The following ZNF155 variants were observed in gnomAD, a reference collection of about 807,000 sequenced individuals.
The protein encoded by ZNF155 is KRAB A domain.
In ZNF155, 15 loss-of-function variants were observed where a neutral mutation model predicts 11.9. The ratio of observed to expected loss-of-function variants is 1.26; its 90% CI spans 0.84 to 1.94. The LOEUF (loss-of-function observed/expected upper bound fraction) is 1.94. Among genes scored for constraint, ZNF155 ranks in the 30% most tolerant of loss-of-function variants. The probability of loss-of-function intolerance (pLI) is 0.00; values close to 1 mark genes in which losing one functional copy is unlikely to be tolerated. For synonymous variants in ZNF155, 212 were observed against 219.9 expected, an observed-to-expected ratio of 0.96 and a Z score of 0.32; for missense variants, 602 against 639.1, an observed-to-expected ratio of 0.94 and a Z score of 0.63.
chr19:43,997,527 A>T lies in ZNF155; in HGVS notation c.*53A>T. On this transcript the variant is annotated 3_prime_UTR_variant, in exon 5 of 5. Transcript: ENST00000270014. The stretch of plus-strand genomic sequence containing the variant: ...CTATTTTAATGTGTGCATACAATTT[A>T]TAGTGATCCAATCAGTGTAATTGGT... 7.3e-7 allele frequency: 1 copy of T among 1,375,548 alleles called. No homozygotes were observed. Among genetic ancestry groups the T allele is most frequent in the Non-Finnish European group, 9.8e-7 (1 of 1,016,022 alleles). The allele number at this position is 1,375,548 out of a possible 1,614,324, so 85.2% of individuals were successfully genotyped here.
intron 4 of ZNF155, among the ~76,000 whole-genome samples, chr19:43,995,723 GTTGA>G (rs1260286515): frequency 6.6e-6 from 1 of 152,046 alleles, no homozygotes; most frequent in Non-Finnish European, 1.5e-5. Context: ...TATACAAAGT[GTTGA>G]TTAAGTTATT....
At chr19:43,988,609 A>G in intron 2 of ZNF155, 51 bp downstream of exon 2, 1 of 1,570,056 alleles carries the variant, frequency 6.4e-7, no homozygotes, top group Non-Finnish European at 8.7e-7. Flanking sequence ...CACTACTCAT[A>G]TTTTCATGTG....
intron 1 of ZNF155, among the ~76,000 whole-genome samples, chr19:43,986,169 AG>A (rs1317833479): frequency 6.6e-6 from 1 of 152,222 alleles, no homozygotes; most frequent in Non-Finnish European, 1.5e-5. Context: ...TTAGATTAAT[AG>A]GAGGAGAAAA....
At chr19:43,995,023 C>G (rs377348183) in intron 4 of ZNF155, among the ~76,000 whole-genome samples, 80 of 152,286 alleles carry the variant, frequency 5.3e-4, no homozygotes, top group African/African-American at 1.9e-3. Flanking sequence ...CCAAGACACT[C>G]TCCTGAGGTA....
Position 43,986,513 on chromosome 19 carries a change from G to A in ZNF155, c.-85-1946G>A, listed in dbSNP as rs976480306. Among the ~76,000 whole-genome samples the A allele has an allele frequency of 4.1e-5, 6 of 147,634 alleles. No individual in the cohort carries two copies. The East Asian group carries it at 1.0e-3, about 25-fold the overall frequency. On this transcript the variant is annotated intron_variant, in intron 1 of 4. Transcript: ENST00000270014. ...CACCTAGGCTGGAGTGCAGTGGTGC[G>A]ATCTCGGCTCACTGTGAGCTCCGCC...
chr19:43,996,800 C>T lies in ZNF155; in HGVS notation c.943C>T (p.Pro315Ser), dbSNP rs201204983. ...TTCCATGGTTCACACAGGAGAAAAACCATTTAGGTGTGATACATGTGATAA... is the reference window on the plus strand; with the variant it reads ...TTCCATGGTTCACACAGGAGAAAAATCATTTAGGTGTGATACATGTGATAA... ...SHSMVHTGEK[P>S]FRCDTCDKSF... Residue 315 changes from proline to serine, a missense_variant, in exon 5 of 5, where the codon CCA (proline) becomes TCA (serine). Physicochemically the swap from Pro to Ser is moderately conservative, Grantham distance 74 (BLOSUM62 -1). Coordinates refer to ENST00000270014, the MANE Select transcript of ZNF155 (RefSeq NM_198089.3). 218 of 1,614,014 alleles carry T rather than the reference C, an allele frequency of 1.4e-4. No individual in the cohort carries two copies. Among genetic ancestry groups the T allele is most frequent in the Non-Finnish European group, 1.8e-4 (209 of 1,180,026 alleles).
intron 2 of ZNF155, chr19:43,990,127 G>A: frequency 6.8e-7 from 1 of 1,465,256 alleles, no homozygotes. Context: ...GTAAAAAACT[G>A]GGAAGAAAGC....
Position 43,993,207 on chromosome 19 carries a change from A to G in ZNF155, c.235+1273A>G, listed in dbSNP as rs143943556. Reference sequence around the variant, plus strand: ...TATTTCTGGTCCTCTTTCTTCATAAATGTGTCTATTTCTGCATCTTTATGT... The same window carrying G: ...TATTTCTGGTCCTCTTTCTTCATAAGTGTGTCTATTTCTGCATCTTTATGT... On this transcript the variant is annotated intron_variant, in intron 4 of 4. Coordinates refer to ENST00000270014, the MANE Select transcript of ZNF155 (RefSeq NM_198089.3). Among the ~76,000 whole-genome samples, 471 of 152,298 alleles carry G rather than the reference A, an allele frequency of 3.1e-3. 5 individuals are homozygous for G. The highest frequency in any genetic ancestry group is 0.011 in the African/African-American group (444 of 41,554).
chr19:43,991,610 C>G lies in ZNF155; in HGVS notation c.78C>G (p.Asp26Glu). The G allele has an allele frequency of 6.2e-7, 1 of 1,614,078 alleles. No homozygotes were observed. The highest frequency in any genetic ancestry group is 2.2e-5 in the East Asian group (1 of 44,884). ...CTGAGGAGGAGCTGGGGCTGCTGGA[C>G]CCTGCCCAGAGGAAGCTGTACCGAG... ...VFTEEELGLL[D>E]PAQRKLYRDV... Residue 26 changes from aspartate to glutamate, a missense_variant, in exon 3 of 5, where the codon GAC becomes GAG. Physicochemically the swap from Asp to Glu is conservative, Grantham distance 45. Coordinates refer to ENST00000270014, the MANE Select transcript of ZNF155 (RefSeq NM_198089.3).
Position 43,996,162 on chromosome 19 carries a change from A to C in ZNF155, c.305A>C (p.Gln102Pro). The C allele has an allele frequency of 6.2e-7, 1 of 1,614,114 alleles. No individual in the cohort carries two copies. The highest frequency in any genetic ancestry group is 8.5e-7 in the Non-Finnish European group (1 of 1,179,956). The change falls in exon 5 of 5, where the codon CAA becomes CCA. Residue 102 changes from glutamine (Q) to proline (P), a missense_variant. Transcript: ENST00000270014. ...GCACATGAAGAGTGGTCCTGCCAGCAAATCTGGGAACAAATTGCAAAAGAC... is the reference window on the plus strand; with the variant it reads ...GCACATGAAGAGTGGTCCTGCCAGCCAATCTGGGAACAAATTGCAAAAGAC... ...AGAHEEWSCQ[Q>P]IWEQIAKDLT...
chr19:43,995,909 C>T (rs1275695190), intron 4 of ZNF155, among the ~76,000 whole-genome samples, 184 bp from the exon 5 acceptor site: 1 of 152,158 alleles, frequency 6.6e-6, no homozygotes, highest in Non-Finnish European at 1.5e-5. Flanking sequence ...AAGGATTTCA[C>T]ATGTGAGACA....
At chr19:43,986,124 A>G (rs1028771382) in intron 1 of ZNF155, among the ~76,000 whole-genome samples, 2 of 152,188 alleles carry the variant, frequency 1.3e-5, no homozygotes, top group Admixed American at 6.5e-5. Context: ...AGGATTTTGT[A>G]TTGTGGAACC....
Position 43,997,181 on chromosome 19 carries a change from A to T in ZNF155, c.1324A>T (p.Asn442Tyr). The T allele has an allele frequency of 1.2e-6, 2 of 1,614,190 alleles. No individual in the cohort carries two copies. Among genetic ancestry groups the T allele is most frequent in the Non-Finnish European group, 8.5e-7 (1 of 1,180,022 alleles). ...TGGGAAGGGCTATGTTACTAAGTTTAATCTTGACTTGCACCAGAGGGTCCA... is the reference window on the plus strand; with the variant it reads ...TGGGAAGGGCTATGTTACTAAGTTTTATCTTGACTTGCACCAGAGGGTCCA... Reference protein sequence around the residue: ...ECGKGYVTKFNLDLHQRVHTG... With the variant: ...ECGKGYVTKFYLDLHQRVHTG... The change falls in exon 5 of 5, where the codon AAT becomes TAT. Residue 442 changes from asparagine to tyrosine, a missense_variant. Physicochemically the swap from Asn to Tyr is moderately radical, Grantham distance 143. Coordinates refer to ENST00000270014, the MANE Select transcript of ZNF155 (RefSeq NM_198089.3).
chr19:43,987,687 A>G (rs1051921161), intron 1 of ZNF155, among the ~76,000 whole-genome samples: 1 of 152,224 alleles, frequency 6.6e-6, no homozygotes, highest in South Asian at 2.1e-4. Flanking sequence ...CTGGGGAGAT[A>G]CATTATTAAT....
intron 1 of ZNF155, among the ~76,000 whole-genome samples, chr19:43,986,811 T>A (rs1380972284): frequency 6.6e-6 from 1 of 152,196 alleles, no homozygotes; most frequent in East Asian, 1.9e-4. Flanking sequence ...TTTATATCAT[T>A]TCAAAGCTGT....
At position 43,996,147 on chromosome 19, in the gene ZNF155, AGT is replaced by A. The variant is rs1418360351; in HGVS notation, c.292_293del (p.Trp98ValfsTer23). ...GTTCCAGAAGCAGGAGCACATGAAG[AGT>A]GGTCCTGCCAGCAAATCTGGGAACA... On this transcript the variant is annotated frameshift_variant, in exon 5 of 5. Transcript: ENST00000270014. LOFTEE classifies it low-confidence loss of function (END_TRUNC). 1 of 1,613,780 alleles carries A rather than the reference AGT, an allele frequency of 6.2e-7. No individual in the cohort carries two copies. The highest frequency in any genetic ancestry group is 2.2e-5 in the East Asian group (1 of 44,882).
At position 43,996,194 on chromosome 19, in the gene ZNF155, AGG is replaced by A. The variant is rs1484798388; in HGVS notation, c.338_339del (p.Arg113IlefsTer8). 5.0e-6 allele frequency: 8 copies of A among 1,614,082 alleles called. No homozygotes were observed. In the African/African-American group the frequency reaches 9.3e-5, roughly 19 times the overall value. ...IWEQIAKDLT[R>X]SQDSIINNSQ... is the part of the protein sequence containing the mutation. ...GGAACAAATTGCAAAAGACTTAACCAGGTCTCAGGACTCTATCATAAATAACT... is the reference window on the plus strand; with the variant it reads ...GGAACAAATTGCAAAAGACTTAACCATCTCAGGACTCTATCATAAATAACT... On this transcript the variant is annotated frameshift_variant, in exon 5 of 5. Coordinates refer to ENST00000270014, the MANE Select transcript of ZNF155 (RefSeq NM_198089.3). LOFTEE classifies it low-confidence loss of function (END_TRUNC).
At chr19:43,988,148 C>G (rs1016294927) in intron 1 of ZNF155, among the ~76,000 whole-genome samples, 1 of 152,176 alleles carries the variant, frequency 6.6e-6, no homozygotes, top group African/African-American at 2.4e-5. Flanking sequence ...ATTCTCACCT[C>G]AAATCTGGAG....
At chr19:43,988,935 T>C (rs1975559312) in intron 2 of ZNF155, 2 of 168,060 alleles carry the variant, frequency 1.2e-5, no homozygotes, top group South Asian at 2.0e-4. Context: ...TTATATAATC[T>C]TCCATTTTTA....
Sources: gnomAD v4.1 joint callset for allele counts (sites outside exome capture counted in the v4.1 genomes callset) on GRCh38, gnomAD v4.1.1 for gene constraint, MANE v1.5 for transcripts, NCBI Gene and HGNC (gene_info 2026-07-23, HGNC 2026-07-21) for gene names.